PDE7B: variants seen among roughly 807,000 people sequenced by gnomAD.
PDE7B encodes phosphodiesterase 7B.
A neutral mutation model predicts 56.2 loss-of-function variants in PDE7B; 29 were observed. The observed-to-expected ratio is 0.52, with a 90% CI of 0.38 to 0.70. PDE7B has a LOEUF of 0.70. Among genes scored for constraint, PDE7B ranks in the 30% least tolerant of loss-of-function variants. PDE7B has a pLI of 0.00. For synonymous variants in PDE7B, 197 were observed against 196.9 expected, an observed-to-expected ratio of 1.00 and a Z score of 0.00; for missense variants, 490 against 565.0, an observed-to-expected ratio of 0.87 and a Z score of 1.35.
chr6:136,165,240 C>A (rs1778774119), intron 8 of PDE7B, among the ~76,000 whole-genome samples: 1 of 152,194 alleles, frequency 6.6e-6, no homozygotes, highest in South Asian at 2.1e-4. Context: ...GCTTTCCAAG[C>A]AGATCAATGA....
chr6:135,874,500 G>T (rs993773432), intron 1 of PDE7B, among the ~76,000 whole-genome samples: 3 of 152,058 alleles, frequency 2.0e-5, no homozygotes, highest in Non-Finnish European at 4.4e-5. Context: ...TATTTGAAGT[G>T]GTTACTTTAG....
At chr6:135,881,341 CAA>C (rs34454603) in intron 1 of PDE7B, among the ~76,000 whole-genome samples, 48,360 of 119,712 alleles carry the variant, frequency 0.4, 8,388 homozygotes, top group South Asian at 0.5. Flanking sequence ...ACTAAAAATA[CAA>C]AAAAAAAAAA....
chr6:136,181,074 G>C (rs1779056130), intron 10 of PDE7B, among the ~76,000 whole-genome samples, 153 bp from the exon 11 acceptor site: 1 of 152,202 alleles, frequency 6.6e-6, no homozygotes, highest in Non-Finnish European at 1.5e-5. Flanking sequence ...AATAAGTGCA[G>C]TTTCCTGAAG....
At chr6:136,135,331 T>C (rs1291874306) in intron 3 of PDE7B, among the ~76,000 whole-genome samples, 1 of 152,150 alleles carries the variant, frequency 6.6e-6, no homozygotes, top group African/African-American at 2.4e-5. Context: ...TTATTATTGT[T>C]GTAGATGTTT....
At chr6:135,987,249 C>T (rs1311009282) in intron 2 of PDE7B, among the ~76,000 whole-genome samples, 1 of 152,144 alleles carries the variant, frequency 6.6e-6, no homozygotes, top group Non-Finnish European at 1.5e-5. Context: ...TCAGCTCAGG[C>T]GAAAGCTGTT....
intron 11 of PDE7B, among the ~76,000 whole-genome samples, chr6:136,182,421 T>G (rs1779081025): frequency 6.6e-6 from 1 of 152,174 alleles, no homozygotes; most frequent in Non-Finnish European, 1.5e-5. Context: ...GCTAGGGGGC[T>G]TTAAATTAGA....
intron 2 of PDE7B, among the ~76,000 whole-genome samples, chr6:136,035,474 G>A (rs1776312096): frequency 6.6e-6 from 1 of 152,172 alleles, no homozygotes; most frequent in African/African-American, 2.4e-5. Context: ...AAGCTTTCTC[G>A]CAAGATTTCC....
intron 1 of PDE7B, among the ~76,000 whole-genome samples, chr6:135,913,213 T>C (rs7751423): frequency 0.26 from 39,020 of 152,008 alleles, 6,185 homozygotes; most frequent in African/African-American, 0.44. Flanking sequence ...ATAGTCCAGA[T>C]ATAAAAAAAT....
intron 6 of PDE7B, among the ~76,000 whole-genome samples, chr6:136,152,318 A>G (rs1210136225): frequency 6.6e-6 from 1 of 152,190 alleles, no homozygotes; most frequent in Non-Finnish European, 1.5e-5. Context: ...GTTGTTGAAA[A>G]TTTTCAATAG....
intron 2 of PDE7B, among the ~76,000 whole-genome samples, chr6:136,048,393 G>GC (rs1353455451): frequency 4.6e-5 from 7 of 152,118 alleles, no homozygotes; most frequent in African/African-American, 1.7e-4. Flanking sequence ...GTGGTGGTGG[G>GC]TGCCTGTAAC....
At chr6:136,063,780 C>T (rs889621700) in intron 2 of PDE7B, among the ~76,000 whole-genome samples, 1 of 152,154 alleles carries the variant, frequency 6.6e-6, no homozygotes. Context: ...CAAAATTGTC[C>T]TCCCTAGACA....
intron 2 of PDE7B, among the ~76,000 whole-genome samples, chr6:136,073,333 T>C (rs772895224): frequency 6.6e-6 from 1 of 152,188 alleles, no homozygotes; most frequent in Non-Finnish European, 1.5e-5. Flanking sequence ...TAAGTAAAAG[T>C]GAATATTTTC....
intron 2 of PDE7B, among the ~76,000 whole-genome samples, chr6:136,091,604 G>A (rs1777386779): frequency 6.6e-6 from 1 of 152,212 alleles, no homozygotes; most frequent in East Asian, 1.9e-4. Context: ...TCTATGAAGT[G>A]TGTTAACCTC....
intron 11 of PDE7B, among the ~76,000 whole-genome samples, chr6:136,182,816 G>A (rs1430588060): frequency 6.6e-6 from 1 of 152,176 alleles, no homozygotes; most frequent in Non-Finnish European, 1.5e-5. Flanking sequence ...GCTCATGCCT[G>A]TAATCCCAGC....
chr6:136,057,919 T>C (rs1189038586), intron 2 of PDE7B, among the ~76,000 whole-genome samples: 4 of 152,140 alleles, frequency 2.6e-5, no homozygotes, highest in Non-Finnish European at 5.9e-5. Flanking sequence ...TTATTTTTAG[T>C]AGAGACGGGG....
chr6:136,000,407 A>G (rs11154841), intron 2 of PDE7B, among the ~76,000 whole-genome samples: 49,658 of 152,070 alleles, frequency 0.33, 9,056 homozygotes, highest in East Asian at 0.45. Context: ...TCTTTCATCC[A>G]TATTGAGTTG....
chr6:135,886,867 C>T (rs553628480), intron 1 of PDE7B, among the ~76,000 whole-genome samples: 11 of 152,184 alleles, frequency 7.2e-5, no homozygotes, highest in African/African-American at 2.6e-4. Context: ...ACTTCTTTTC[C>T]TTTGGGTAGA....
At chr6:136,153,737 G>A (rs548513838) in intron 6 of PDE7B, among the ~76,000 whole-genome samples, 1 of 152,250 alleles carries the variant, frequency 6.6e-6, no homozygotes, top group African/African-American at 2.4e-5. Context: ...AAACTATAGT[G>A]TGAGATAAAG....
intron 1 of PDE7B, among the ~76,000 whole-genome samples, chr6:135,866,793 A>G (rs560577882): frequency 6.6e-6 from 1 of 152,236 alleles, no homozygotes; most frequent in Non-Finnish European, 1.5e-5. Context: ...GTAAACACAT[A>G]AAAGATTATT....
Sources: allele counts gnomAD v4.1 joint callset (sites outside exome capture counted in the v4.1 genomes callset), GRCh38; gene constraint gnomAD v4.1.1; transcripts MANE v1.5; gene names NCBI Gene and HGNC (gene_info 2026-07-23, HGNC 2026-07-21).